Variants in ARHGAP8 observed in about 807,000 individuals in gnomAD.
The protein encoded by ARHGAP8 is Rho GTPase activating protein 8, also known as rho GTPase-activating protein 8.
Under a neutral mutation model 46.1 loss-of-function variants are expected in ARHGAP8, and 62 were observed. The observed-to-expected ratio is 1.34, with a 90% CI of 1.10 to 1.66. The LOEUF (loss-of-function observed/expected upper bound fraction) is 1.66. ARHGAP8 is among the 40% of genes most tolerant of loss of function. The pLI is 0.00. For missense variants in ARHGAP8, 923 were observed against 568.4 expected (o/e 1.62, Z -6.34); for synonymous variants, 375 against 243.1 (o/e 1.54, Z -5.05).
In ARHGAP8 at chr22:44,862,743, C is replaced by G; in HGVS notation, c.*148C>G. 1.0e-6 allele frequency: 1 copy of G among 976,152 alleles called. No individual in the cohort carries two copies. Among genetic ancestry groups the G allele is most frequent in the Non-Finnish European group, 1.4e-6 (1 of 694,466 alleles). The allele number at this position is 976,152 out of a possible 1,614,324, so 60.5% of individuals were successfully genotyped here. On this transcript the variant is annotated 3_prime_UTR_variant, in exon 12 of 12. Transcript: ENST00000356099. ...AAACTCCATGCCTCTGGTCCTTGGA[C>G]TCTTGTCCATGGTTCCTGAGCTGTG...
chr22:44,756,664 C>T (rs1184950169), intron 1 of ARHGAP8, among the ~76,000 whole-genome samples: 1 of 149,930 alleles, frequency 6.7e-6, no homozygotes, highest in Non-Finnish European at 1.5e-5. Context: ...CTCCCTATTC[C>T]CCATATCATT....
intron 3 of ARHGAP8, among the ~76,000 whole-genome samples, chr22:44,806,002 C>G (rs1025778217): frequency 3.3e-5 from 5 of 152,206 alleles, no homozygotes; most frequent in African/African-American, 1.2e-4. Context: ...GAGAGCCCAG[C>G]GCTGGGGCCA....
In ARHGAP8 at chr22:44,785,277, TCTC is replaced by T. The variant is rs1344459432; in HGVS notation, c.-71-1176_-71-1174del. Among the ~76,000 whole-genome samples the T allele has an allele frequency of 1.6e-4, 25 of 152,086 alleles. 1 individual carries two copies. The East Asian group carries it at 4.8e-3, about 29-fold the overall frequency. On this transcript the variant is annotated intron_variant, in intron 1 of 11. Coordinates refer to ENST00000356099, the MANE Select transcript of ARHGAP8 (RefSeq NM_181335.3). ...ACTCCATGGGACCTGAATCTACCCATCTCCTCGGGCCGCCAGCAAAGTGCCACA... is the reference window on the plus strand; with the variant it reads ...ACTCCATGGGACCTGAATCTACCCATCTCGGGCCGCCAGCAAAGTGCCACA...
chr22:44,820,673 A>G (rs1353383259), intron 5 of ARHGAP8, among the ~76,000 whole-genome samples: 1 of 152,156 alleles, frequency 6.6e-6, no homozygotes, highest in Admixed American at 6.5e-5. Context: ...TTTGGTGGCT[A>G]TTCTGCAGCC....
At chr22:44,836,502 AC>A (rs138521054) in intron 7 of ARHGAP8, among the ~76,000 whole-genome samples, 21 of 151,944 alleles carry the variant, frequency 1.4e-4, no homozygotes, top group African/African-American at 4.8e-4. Context: ...AAATGGGGGC[AC>A]AGTGATGCAG....
intron 10 of ARHGAP8, among the ~76,000 whole-genome samples, chr22:44,856,521 G>A (rs928734170): frequency 1.5e-4 from 23 of 151,936 alleles, no homozygotes; most frequent in Non-Finnish European, 5.9e-5. Flanking sequence ...TGATCCATCC[G>A]TCTCGGCCTT....
chr22:44,849,154 G>A, intron 10 of ARHGAP8, 94 bp downstream of exon 10: 1 of 1,579,276 alleles, frequency 6.3e-7, no homozygotes, highest in Non-Finnish European at 8.6e-7. Context: ...GGTGGCCGAG[G>A]TGACGTGTAC....
chr22:44,791,814 T>C (rs1056639555), intron 2 of ARHGAP8, among the ~76,000 whole-genome samples: 2 of 152,070 alleles, frequency 1.3e-5, no homozygotes, highest in African/African-American at 4.8e-5. Flanking sequence ...TAACCAGCAG[T>C]CATCAGGAAC....
At chr22:44,826,206 T>G (rs1411198745) in intron 7 of ARHGAP8, among the ~76,000 whole-genome samples, 7 of 152,026 alleles carry the variant, frequency 4.6e-5, no homozygotes, top group African/African-American at 1.7e-4. Context: ...AGACGGCACG[T>G]GGTCACTCTG....
intron 5 of ARHGAP8, among the ~76,000 whole-genome samples, chr22:44,819,897 C>A (rs561889485): frequency 3.9e-4 from 59 of 152,268 alleles, no homozygotes; most frequent in African/African-American, 1.4e-3. Context: ...GGTTCTACCC[C>A]TCATTCTGCC....
At chr22:44,801,737 A>T (rs1311964683) in intron 2 of ARHGAP8, 3 of 281,406 alleles carry the variant, frequency 1.1e-5, no homozygotes, top group Non-Finnish European at 2.0e-5. Flanking sequence ...TAGAGTGGCT[A>T]CACCCTGCCT....
intron 1 of ARHGAP8, among the ~76,000 whole-genome samples, chr22:44,780,350 C>T (rs186690687): frequency 6.6e-6 from 1 of 151,746 alleles, no homozygotes; most frequent in Non-Finnish European, 1.5e-5. Flanking sequence ...GAGCAAGATC[C>T]TATCTCTTAA....
chr22:44,790,874 A>G (rs1212582200), intron 2 of ARHGAP8, among the ~76,000 whole-genome samples: 2 of 151,534 alleles, frequency 1.3e-5, no homozygotes, highest in Non-Finnish European at 2.9e-5. Context: ...CTGGGACTAC[A>G]GGCACGTGCC....
chr22:44,845,481 G>A, intron 8 of ARHGAP8, 139 bp downstream of exon 8: 2 of 1,182,646 alleles, frequency 1.7e-6, no homozygotes, highest in South Asian at 1.5e-5. Context: ...GTGGCTCCAG[G>A]TCTGGGCTCT....
At chr22:44,759,211 C>T (rs1249372259) in intron 1 of ARHGAP8, among the ~76,000 whole-genome samples, 1 of 152,152 alleles carries the variant, frequency 6.6e-6, no homozygotes, top group African/African-American at 2.4e-5. Context: ...TCCCCAGCCC[C>T]GGGTTGGCTG....
At chr22:44,845,762 G>C (rs2069939068) in intron 8 of ARHGAP8, among the ~76,000 whole-genome samples, 1 of 152,176 alleles carries the variant, frequency 6.6e-6, no homozygotes, top group African/African-American at 2.4e-5. Flanking sequence ...AGTAGGGTGG[G>C]TGCAGTCAAG....
intron 1 of ARHGAP8, among the ~76,000 whole-genome samples, chr22:44,774,281 A>G (rs1926253858): frequency 6.6e-6 from 1 of 152,224 alleles, no homozygotes; most frequent in Non-Finnish European, 1.5e-5. Flanking sequence ...AGAACGTTTT[A>G]GCAGTCATTT....
chr22:44,833,520 T>A (rs1436304183), intron 7 of ARHGAP8, among the ~76,000 whole-genome samples: 1 of 152,216 alleles, frequency 6.6e-6, no homozygotes, highest in Non-Finnish European at 1.5e-5. Context: ...GATAAATCAT[T>A]TGTGTTCATG....
At chr22:44,770,580 A>G (rs1925925647) in intron 1 of ARHGAP8, among the ~76,000 whole-genome samples, 1 of 151,760 alleles carries the variant, frequency 6.6e-6, no homozygotes, top group African/African-American at 2.4e-5. Context: ...TAATTTTTGT[A>G]TTTTTAGTAG....
Sources: allele counts gnomAD v4.1 joint callset (sites outside exome capture counted in the v4.1 genomes callset), GRCh38; gene constraint gnomAD v4.1.1; transcripts MANE v1.5; gene names NCBI Gene and HGNC (gene_info 2026-07-23, HGNC 2026-07-21).